The following DIP2A variants were observed in gnomAD, a reference collection of about 807,000 sequenced individuals.
The protein encoded by DIP2A is disco-interacting protein 2 homolog A.
Under a neutral mutation model 177.4 loss-of-function variants are expected in DIP2A, and 85 were observed. That is an observed-to-expected ratio of 0.48 (90% CI 0.40 to 0.57). The LOEUF (loss-of-function observed/expected upper bound fraction) is 0.57. Ranked by LOEUF, DIP2A falls within the 20% of genes least tolerant of loss-of-function variation. The pLI is 0.00. For synonymous variants in DIP2A, 886 were observed against 881.8 expected (o/e 1.00, Z -0.08); for missense variants, 1,791 against 2,100.2 (o/e 0.85, Z 2.88).
chr21:46,481,367 C>T (rs75544753), intron 1 of DIP2A, among the ~76,000 whole-genome samples: 2,324 of 152,252 alleles, frequency 0.015, 26 homozygotes, highest in Non-Finnish European at 0.024. Context: ...ATTCACTTGA[C>T]ATCTGGGTTG....
intron 5 of DIP2A, among the ~76,000 whole-genome samples, chr21:46,499,102 C>T (rs909533358): frequency 6.6e-6 from 1 of 152,120 alleles, no homozygotes; most frequent in African/African-American, 2.4e-5. Flanking sequence ...AGATTAAATC[C>T]CTAATAACCT....
chr21:46,492,162 A>C (rs1367892850), intron 3 of DIP2A, among the ~76,000 whole-genome samples: 1 of 151,798 alleles, frequency 6.6e-6, no homozygotes, highest in Non-Finnish European at 1.5e-5. Flanking sequence ...TTTTTAGTTA[A>C]TTTTAGTGTA....
At chr21:46,472,667 T>G (rs1450147011) in intron 1 of DIP2A, among the ~76,000 whole-genome samples, 1 of 152,200 alleles carries the variant, frequency 6.6e-6, no homozygotes, top group African/African-American at 2.4e-5. Flanking sequence ...CCAGGCAGTG[T>G]TCCACAGGTA....
intron 1 of DIP2A, among the ~76,000 whole-genome samples, chr21:46,464,718 C>A (rs149601142): frequency 6.6e-6 from 1 of 151,440 alleles, no homozygotes; most frequent in South Asian, 2.1e-4. Flanking sequence ...CCTGTCCCTG[C>A]GATAACAGCA....
chr21:46,545,646 G>T (rs977837489), intron 19 of DIP2A, among the ~76,000 whole-genome samples: 3 of 152,214 alleles, frequency 2.0e-5, no homozygotes, highest in Non-Finnish European at 4.4e-5. Context: ...CAAGTCTAGG[G>T]AGGCCAGGCA....
At chr21:46,471,126 C>G (rs561896246) in intron 1 of DIP2A, among the ~76,000 whole-genome samples, 24 of 152,228 alleles carry the variant, frequency 1.6e-4, no homozygotes, top group African/African-American at 4.8e-4. Context: ...GCCTCAAACT[C>G]CTGGGCTAAG....
In DIP2A at chr21:46,459,004, C is replaced by G; in HGVS notation, c.-128C>G. On this transcript the variant is annotated 5_prime_UTR_variant, in exon 1 of 38. Transcript: ENST00000417564. ...TGTCCTGGCCGCGCCCCTGTCCCGC[C>G]GCCTCCCGCTCCTCGCCTGGCGGAT... is the stretch of plus-strand genomic sequence containing the variant. 3 of 763,752 alleles carry G rather than the reference C, an allele frequency of 3.9e-6. No homozygotes were observed. The highest frequency in any genetic ancestry group is 5.4e-5 in the South Asian group (2 of 37,234). 47.3% of individuals were successfully genotyped at this position (763,752 alleles called of 1,614,324 possible).
the DIP2A span, among the ~76,000 whole-genome samples, chr21:46,583,791 G>A: frequency 6.6e-6 from 1 of 152,144 alleles, no homozygotes; most frequent in African/African-American, 2.4e-5. Flanking sequence ...CAGCACAAGG[G>A]TCCTGCCAGA....
chr21:46,561,055 C>A, intron 33 of DIP2A: 1 of 963,992 alleles, frequency 1.0e-6, no homozygotes, highest in Non-Finnish European at 1.2e-6. Flanking sequence ...GTCCCCAGGG[C>A]TGCAGTTAAC....
At chr21:46,545,858 G>A (rs374505811) in intron 19 of DIP2A, 23 bp from the exon 20 acceptor site, 23 of 1,610,882 alleles carry the variant, frequency 1.4e-5, no homozygotes, top group East Asian at 2.2e-5. Flanking sequence ...CAGCCTGATC[G>A]TGCCCCTCTC....
At chr21:46,495,248 C>CT (rs1470078371) in intron 3 of DIP2A, among the ~76,000 whole-genome samples, 12 of 77,550 alleles carry the variant, frequency 1.5e-4, no homozygotes, top group Admixed American at 2.7e-4. Flanking sequence ...TCTTCTTTCT[C>CT]TCTCTCTCTC....
At chr21:46,547,417 C>G (rs1312255905) in intron 21 of DIP2A, among the ~76,000 whole-genome samples, 4 of 152,192 alleles carry the variant, frequency 2.6e-5, no homozygotes, top group Non-Finnish European at 4.4e-5. Context: ...AGACACATGA[C>G]ACCCTCCATT....
rs550551142 is a variant in DIP2A at position 46,480,100 on chromosome 21, A to G, written c.92-4657A>G. ...GTGGCATCTGTTTTCAAGTTTTATT[A>G]TGGTCAGGTATTGTATTAGTCTGTT... On this transcript the variant is annotated intron_variant, in intron 1 of 37. Coordinates refer to ENST00000417564, the MANE Select transcript of DIP2A (RefSeq NM_015151.4). Among the ~76,000 whole-genome samples, 23 of 133,106 alleles carry G rather than the reference A, an allele frequency of 1.7e-4. No individual in the cohort carries two copies. The South Asian group carries it at 2.3e-3, about 13-fold the overall frequency. 87.3% of individuals were successfully genotyped at this position (133,106 alleles called of 152,430 possible).
Position 46,511,517 on chromosome 21 carries a change from G to T in DIP2A, c.1005G>T (p.Leu335=), listed in dbSNP as rs549965425. Residue 335 remains leucine (L), a synonymous_variant, in exon 8 of 38, where the codon CTG becomes CTT. Coordinates refer to ENST00000417564, the MANE Select transcript of DIP2A (RefSeq NM_015151.4). ...LTAGVPRPPS[L]LATLQRWGTT... ...CAGGTGTCCCCCGACCGCCGTCGCT[G>T]TTGGCCACCTTGCAGCGCTGGGGCA... is the stretch of plus-strand genomic sequence containing the variant. 7 of 1,612,592 alleles carry T rather than the reference G, an allele frequency of 4.3e-6. No individual in the cohort carries two copies. In the Admixed American group the frequency reaches 5.0e-5, roughly 12 times the overall value.
chr21:46,496,566 A>G (rs2057372208), intron 3 of DIP2A, among the ~76,000 whole-genome samples: 1 of 152,220 alleles, frequency 6.6e-6, no homozygotes, highest in African/African-American at 2.4e-5. Context: ...GATAGCTGAT[A>G]AGCTAAAAAA....
chr21:46,581,178 C>T, the DIP2A span, among the ~76,000 whole-genome samples: 4 of 152,048 alleles, frequency 2.6e-5, no homozygotes, highest in Non-Finnish European at 5.9e-5. Flanking sequence ...GTCTGCCTGT[C>T]TTATTTAAGC....
chr21:46,496,416 A>T (rs78267515), intron 3 of DIP2A, among the ~76,000 whole-genome samples: 1,727 of 152,302 alleles, frequency 0.011, 30 homozygotes, highest in African/African-American at 0.039. Context: ...CTGGAAGTAG[A>T]GGTTGACCAG....
chr21:46,554,270 T>C lies in DIP2A; in HGVS notation c.3132T>C (p.His1044=), dbSNP rs2060374333. ...MEKGRLSVGD[H]VALVYPPGVD... The stretch of plus-strand genomic sequence containing the variant: ...AGGGAAGACTGAGTGTTGGGGACCA[T>C]GTGGCTCTGGTCTACCCACCAGGTG... The change falls in exon 26 of 38, where the codon CAT becomes CAC. Residue 1044 remains histidine (H), a synonymous_variant. Transcript: ENST00000417564. 6.2e-7 allele frequency: 1 copy of C among 1,613,804 alleles called. No homozygotes were observed. Among genetic ancestry groups the C allele is most frequent in the Non-Finnish European group, 8.5e-7 (1 of 1,179,846 alleles).
chr21:46,495,225 T>TC (rs1568967163), intron 3 of DIP2A, among the ~76,000 whole-genome samples: 25 of 94,086 alleles, frequency 2.7e-4, no homozygotes, highest in African/African-American at 5.0e-4. Flanking sequence ...TTCTCTTCTC[T>TC]TCTCTTCTCT....
Sources: allele counts gnomAD v4.1 joint callset (sites outside exome capture counted in the v4.1 genomes callset), GRCh38; gene constraint gnomAD v4.1.1; transcripts MANE v1.5; gene names NCBI Gene and HGNC (gene_info 2026-07-23, HGNC 2026-07-21).